Variants in ELMO1 observed in about 807,000 individuals in gnomAD.
ELMO1 encodes engulfment and cell motility 1.
ELMO1 carries 26 observed loss-of-function variants against 98.9 expected under a neutral mutation model. That is an observed-to-expected ratio of 0.26 (90% confidence interval 0.19 to 0.36). The LOEUF (loss-of-function observed/expected upper bound fraction) is 0.36, where lower values mean the gene tolerates loss of function less well. ELMO1 is among the 10% of genes least tolerant of loss of function. The probability of loss-of-function intolerance (pLI) is 1.00; values close to 1 mark genes in which losing one functional copy is unlikely to be tolerated. For missense variants in ELMO1, 627 were observed against 935.2 expected (o/e 0.67, Z 4.30); for synonymous variants, 346 against 346.0 (o/e 1.00, Z 0.00).
intron 5 of ELMO1, among the ~76,000 whole-genome samples, chr7:37,267,938 T>A (rs1363046720): frequency 6.6e-6 from 1 of 152,218 alleles, no homozygotes; most frequent in East Asian, 1.9e-4. Context: ...GTTGTTTTAA[T>A]TTTTTGGTAG....
At chr7:37,236,149 C>T (rs146217823) in intron 7 of ELMO1, among the ~76,000 whole-genome samples, 35 of 152,304 alleles carry the variant, frequency 2.3e-4, no homozygotes, top group African/African-American at 7.7e-4. Context: ...ATCTTAGTAA[C>T]ATCTGGTACA....
At chr7:36,890,493 G>A (rs781515758) in intron 17 of ELMO1, among the ~76,000 whole-genome samples, 3 of 152,110 alleles carry the variant, frequency 2.0e-5, no homozygotes, top group Admixed American at 6.5e-5. Flanking sequence ...CTGATCCCCT[G>A]CTCCACTTGC....
chr7:37,053,088 A>G (rs912127728), intron 15 of ELMO1, among the ~76,000 whole-genome samples: 2 of 152,218 alleles, frequency 1.3e-5, no homozygotes, highest in African/African-American at 4.8e-5. Context: ...ATTTCCAGAC[A>G]TGGACAAAAC....
chr7:37,355,180 A>G (rs182589823), intron 1 of ELMO1, among the ~76,000 whole-genome samples: 16 of 152,296 alleles, frequency 1.1e-4, no homozygotes, highest in Admixed American at 8.5e-4. Flanking sequence ...ATCCTGGTTC[A>G]CCCACATTGA....
intron 1 of ELMO1, among the ~76,000 whole-genome samples, chr7:37,415,873 C>A (rs1029002394): frequency 2.6e-5 from 4 of 152,068 alleles, no homozygotes; most frequent in Non-Finnish European, 5.9e-5. Context: ...ATAAATAATA[C>A]CCCAACAACT....
intron 15 of ELMO1, among the ~76,000 whole-genome samples, chr7:37,028,458 C>T (rs1794701920): frequency 6.6e-6 from 1 of 152,080 alleles, no homozygotes; most frequent in Admixed American, 6.6e-5. Context: ...CCAATTTATC[C>T]ATGGCAGACA....
rs1433144019 is a variant in ELMO1, at chr7:36,855,519, T to C, written c.*32A>G. ...CTCTCCTGTTAGCTAGGTGTTCCAG[T>C]TTTGGAAGGGGCATGTCTGGGCCCG... On this transcript the variant is annotated 3_prime_UTR_variant, in exon 22 of 22. Transcript: ENST00000310758. The surrounding 1 kb of genome is among the most constrained non-coding windows in gnomAD (Gnocchi z 4.2). The C allele has an allele frequency of 2.5e-6, 4 of 1,612,750 alleles. No individual in the cohort carries two copies. Among genetic ancestry groups the C allele is most frequent in the Non-Finnish European group, 3.4e-6 (4 of 1,179,444 alleles).
intron 16 of ELMO1, among the ~76,000 whole-genome samples, chr7:36,917,349 G>A (rs1348391273): frequency 6.6e-6 from 1 of 152,010 alleles, no homozygotes; most frequent in Admixed American, 6.6e-5. Flanking sequence ...TAAATTGTAA[G>A]GATTTTTATT....
intron 16 of ELMO1, among the ~76,000 whole-genome samples, chr7:36,903,108 C>T (rs556275764): frequency 3.3e-5 from 5 of 152,326 alleles, no homozygotes; most frequent in Admixed American, 6.5e-5. Flanking sequence ...CTCACAGAGA[C>T]GTCCTTACCT....
chr7:36,920,189 C>A (rs1490300443), intron 16 of ELMO1, among the ~76,000 whole-genome samples: 2 of 152,172 alleles, frequency 1.3e-5, no homozygotes, highest in Non-Finnish European at 2.9e-5. Flanking sequence ...TTATGAACTA[C>A]CTGAAAAATA....
chr7:37,377,430 C>G (rs150461711), intron 1 of ELMO1, among the ~76,000 whole-genome samples: 42 of 152,164 alleles, frequency 2.8e-4, no homozygotes, highest in Middle Eastern at 3.4e-3. Context: ...TGGCCTCACA[C>G]AGTTACGTAA....
intron 13 of ELMO1, among the ~76,000 whole-genome samples, chr7:37,156,356 C>G (rs766734775): frequency 6.6e-6 from 1 of 151,944 alleles, no homozygotes; most frequent in African/African-American, 2.4e-5. Context: ...ACAAAAAAAC[C>G]CTTCAAAAAA....
chr7:37,096,722 C>T lies in ELMO1; in HGVS notation c.1197G>A (p.Val399=). Residue 399 remains valine (V), a synonymous_variant, in exon 15 of 22, where the codon GTG becomes GTA. Coordinates refer to ENST00000310758, the MANE Select transcript of ELMO1 (RefSeq NM_014800.11). Reference sequence around the variant, plus strand: ...TGTCTTCTCGACTACTGTTCTCAAGCACAATCTGTAATGGGAAAGGGAACA... The same window carrying T: ...TGTCTTCTCGACTACTGTTCTCAAGTACAATCTGTAATGGGAAAGGGAACA... ...KHHQDAYIRI[V]LENSSREDKH... The T allele has an allele frequency of 6.2e-7, 1 of 1,613,918 alleles. No homozygotes were observed. The highest frequency in any genetic ancestry group is 8.5e-7 in the Non-Finnish European group (1 of 1,179,844).
rs142718048 is a variant in ELMO1, at chr7:37,378,403, A to G, written c.-73-35640T>C. Among the ~76,000 whole-genome samples, 137 of 152,324 alleles carry G rather than the reference A, an allele frequency of 9.0e-4. 1 individual carries two copies. The highest frequency in any genetic ancestry group is 3.1e-3 in the African/African-American group (129 of 41,586). The stretch of plus-strand genomic sequence containing the variant: ...AAGTTTGTGGAGAGAGGTAGAACTG[A>G]GGAGATGAGTATTAACTCACTGTCC... On this transcript the variant is annotated intron_variant, in intron 1 of 21. Transcript: ENST00000310758.
intron 1 of ELMO1, among the ~76,000 whole-genome samples, chr7:37,427,475 C>T (rs1466336662): frequency 6.6e-6 from 1 of 152,172 alleles, no homozygotes; most frequent in Non-Finnish European, 1.5e-5. Context: ...AGGAATATCA[C>T]CCTCCTTCAG....
intron 21 of ELMO1, among the ~76,000 whole-genome samples, chr7:36,860,322 A>C (rs560735956): frequency 2.5e-4 from 38 of 152,300 alleles, no homozygotes; most frequent in African/African-American, 8.7e-4. Context: ...TGAGGTATTC[A>C]GTTCTGGGAG....
intron 16 of ELMO1, among the ~76,000 whole-genome samples, chr7:36,949,795 T>C (rs1428522631): frequency 6.6e-6 from 1 of 151,878 alleles, no homozygotes; most frequent in Non-Finnish European, 1.5e-5. Flanking sequence ...ACCAGTGCCC[T>C]CCTCCACCAC....
intron 14 of ELMO1, among the ~76,000 whole-genome samples, chr7:37,102,873 T>C (rs79388730): frequency 0.014 from 2,134 of 152,248 alleles, 48 homozygotes; most frequent in African/African-American, 0.048. Context: ...ATTACAGTAA[T>C]AAAGCTTTGA....
intron 1 of ELMO1, among the ~76,000 whole-genome samples, chr7:37,398,198 A>AG (rs1803376722): frequency 6.6e-6 from 1 of 152,164 alleles, no homozygotes; most frequent in Admixed American, 6.6e-5. Flanking sequence ...GGCCAATAAT[A>AG]CACATTTCAT....
Sources: allele counts gnomAD v4.1 joint callset (sites outside exome capture counted in the v4.1 genomes callset), GRCh38; gene constraint gnomAD v4.1.1; non-coding constraint Gnocchi (gnomAD v3.1); transcripts MANE v1.5; gene names NCBI Gene and HGNC (gene_info 2026-07-23, HGNC 2026-07-21).